Variants in MIB1 observed in about 807,000 individuals in gnomAD.
The protein encoded by MIB1 is E3 ubiquitin-protein ligase MIB1.
MIB1 carries 278 observed loss-of-function variants against 124.5 expected under a neutral mutation model. The ratio of observed to expected loss-of-function variants is 2.23; its 90% CI spans 2.02 to 2.47. The LOEUF is 2.47. Ranked by LOEUF, MIB1 falls within the 30% of genes most tolerant of loss-of-function variation. The pLI is 0.00. For missense variants in MIB1, 957 were observed against 1,254.4 expected, an observed-to-expected ratio of 0.76 and a Z score of 3.58; for synonymous variants, 446 against 429.4, an observed-to-expected ratio of 1.04 and a Z score of -0.48.
At chr18:21,755,399 TCGG>T in intron 1 of MIB1, among the ~76,000 whole-genome samples, 1 of 151,332 alleles carries the variant, frequency 6.6e-6, no homozygotes, top group Non-Finnish European at 1.5e-5. Context: ...TGGCACTATC[TCGG>T]CTCACTGCAA....
chr18:21,827,721 C>T (rs1370576773), intron 12 of MIB1: 1 of 152,022 alleles, frequency 6.6e-6, no homozygotes, highest in Non-Finnish European at 1.5e-5. Context: ...TTCCAGTAAA[C>T]ATGCAGTAAC....
chr18:21,781,748 GTTGT>G (rs1598607800), intron 6 of MIB1, among the ~76,000 whole-genome samples: 2 of 151,904 alleles, frequency 1.3e-5, no homozygotes, highest in South Asian at 4.1e-4. Context: ...ATCTTGGTAG[GTTGT>G]TTATGTCCAA....
intron 20 of MIB1, 118 bp downstream of exon 20, chr18:21,858,764 G>T: frequency 1.7e-6 from 1 of 577,314 alleles, no homozygotes; most frequent in Non-Finnish European, 3.2e-6. Context: ...TGTATTATTT[G>T]CATATTTGCA....
intron 6 of MIB1, among the ~76,000 whole-genome samples, chr18:21,780,473 G>A (rs985184385): frequency 6.6e-6 from 1 of 152,140 alleles, no homozygotes; most frequent in African/African-American, 2.4e-5. Flanking sequence ...TCATATGAGT[G>A]AGAACATGTG....
At position 21,719,520 on chromosome 18, in the gene MIB1, C is replaced by G. The variant is rs192045243; in HGVS notation, n.167+14397C>G. Reference sequence around the variant, plus strand: ...GGAGTGCAGCGGTGCGATCTCTGCACACTGCAACCTCTGCCCCCTGGGTTC... The same window carrying G: ...GGAGTGCAGCGGTGCGATCTCTGCAGACTGCAACCTCTGCCCCCTGGGTTC... On this transcript the variant is annotated intron_variant and non_coding_transcript_variant, in intron 1 of 20. Transcript: ENST00000578646. 2.5e-4 allele frequency among the ~76,000 whole-genome samples: 38 copies of G among 152,140 alleles called. 1 individual carries two copies. In the East Asian group the frequency reaches 7.3e-3, roughly 29 times the overall value.
chr18:21,728,462 T>C (rs1357240605), intron 1 of MIB1, among the ~76,000 whole-genome samples: 1 of 152,006 alleles, frequency 6.6e-6, no homozygotes, highest in East Asian at 1.9e-4. Context: ...CATTGCACTC[T>C]AGCCTGGGAG....
chr18:21,731,733 CAAAA>C (rs1229088832), intron 1 of MIB1, among the ~76,000 whole-genome samples: 3 of 35,896 alleles, frequency 8.4e-5, no homozygotes, highest in African/African-American at 3.4e-4. Context: ...CCCCGTCTCA[CAAAA>C]AAAAAAAAAA....
chr18:21,821,924 T>TA (rs1463400647), intron 12 of MIB1, among the ~76,000 whole-genome samples: 1 of 152,130 alleles, frequency 6.6e-6, no homozygotes, highest in Non-Finnish European at 1.5e-5. Context: ...TTATTATACT[T>TA]ACTATATACT....
chr18:21,720,898 TAAGCCA>T (rs1399654606), intron 1 of MIB1, among the ~76,000 whole-genome samples: 2 of 152,132 alleles, frequency 1.3e-5, no homozygotes, highest in Non-Finnish European at 2.9e-5. Flanking sequence ...GAGGCTGCAG[TAAGCCA>T]TGATCATGCC....
intron 4 of MIB1, among the ~76,000 whole-genome samples, chr18:21,775,132 A>G (rs1252071403): frequency 6.6e-6 from 1 of 150,910 alleles, no homozygotes; most frequent in African/African-American, 2.4e-5. Flanking sequence ...TTTTTAGTAG[A>G]GACGCGATTT....
chr18:21,822,853 G>T (rs571333138), intron 12 of MIB1, among the ~76,000 whole-genome samples: 1 of 152,044 alleles, frequency 6.6e-6, no homozygotes, highest in South Asian at 2.1e-4. Flanking sequence ...TAATCCCAGC[G>T]ACTTAGGAGG....
At chr18:21,786,053 C>T (rs1468588534) in intron 6 of MIB1, among the ~76,000 whole-genome samples, 3 of 151,250 alleles carry the variant, frequency 2.0e-5, no homozygotes, top group Non-Finnish European at 4.4e-5. Context: ...TTGTCTTTGA[C>T]CTTTGAGAGT....
Position 21,770,831 on chromosome 18 carries a change from T to A in MIB1, c.531+2079T>A, listed in dbSNP as rs553802790. ...TTCAACAATTATTAACTTAAAAAAA[T>A]ACCATTTATTTGTTGAAGAAACCAG... On this transcript the variant is annotated intron_variant, in intron 3 of 20. Coordinates refer to ENST00000261537, the MANE Select transcript of MIB1 (RefSeq NM_020774.4). 1.1e-4 allele frequency among the ~76,000 whole-genome samples: 17 copies of A among 152,290 alleles called. No individual in the cohort carries two copies. The East Asian group carries it at 3.1e-3, about 28-fold the overall frequency.
intron 1 of MIB1, among the ~76,000 whole-genome samples, chr18:21,727,955 G>A (rs996409748): frequency 2.6e-5 from 4 of 152,192 alleles, no homozygotes; most frequent in Non-Finnish European, 2.9e-5. Flanking sequence ...GCAACATTGT[G>A]AGACTGTGAG....
intron 1 of MIB1, among the ~76,000 whole-genome samples, chr18:21,745,710 A>ACACACACACACACAC (rs1568183975): frequency 1.4e-5 from 2 of 146,034 alleles, no homozygotes; most frequent in African/African-American, 5.2e-5. Flanking sequence ...ACACACACAC[A>ACACACACACACACAC]AAATTTTATT....
chr18:21,835,165 A>C (rs189992267), intron 12 of MIB1, among the ~76,000 whole-genome samples: 1 of 152,328 alleles, frequency 6.6e-6, no homozygotes, highest in Non-Finnish European at 1.5e-5. Context: ...ATGTTCTTTT[A>C]AAAGTGTATT....
chr18:21,775,293 G>A (rs1369198514), intron 4 of MIB1, among the ~76,000 whole-genome samples: 1 of 152,008 alleles, frequency 6.6e-6, no homozygotes, highest in East Asian at 1.9e-4. Flanking sequence ...AAGCTGGAGT[G>A]CAGTGGTGCA....
At chr18:21,731,237 A>T (rs578234768) in intron 1 of MIB1, among the ~76,000 whole-genome samples, 1 of 152,298 alleles carries the variant, frequency 6.6e-6, no homozygotes, top group African/African-American at 2.4e-5. Context: ...TTCATCAATC[A>T]ACCTCCAGAG....
chr18:21,780,344 A>G (rs1336256803), intron 6 of MIB1, among the ~76,000 whole-genome samples: 2 of 152,134 alleles, frequency 1.3e-5, no homozygotes, highest in Non-Finnish European at 2.9e-5. Context: ...CCCCGTATCT[A>G]GCTGTAGTCT....
Sources: gnomAD v4.1 joint callset for allele counts (sites outside exome capture counted in the v4.1 genomes callset) on GRCh38, gnomAD v4.1.1 for gene constraint, MANE v1.5 for transcripts, NCBI Gene and HGNC (gene_info 2026-07-23, HGNC 2026-07-21) for gene names.